The following CTIF variants were observed in gnomAD, a reference collection of about 807,000 sequenced individuals.
CTIF encodes cap binding complex dependent translation initiation factor.
In CTIF, 21 loss-of-function variants were observed where a neutral mutation model predicts 66.0. The ratio of observed to expected loss-of-function variants is 0.32; its 90% CI spans 0.23 to 0.46. CTIF has a LOEUF of 0.46. Among genes scored for constraint, CTIF ranks in the 20% least tolerant of loss-of-function variants. The pLI is 1.00. For synonymous variants in CTIF, 345 were observed against 326.4 expected, an observed-to-expected ratio of 1.06 and a Z score of -0.62; for missense variants, 739 against 812.7, an observed-to-expected ratio of 0.91 and a Z score of 1.10.
At chr18:48,627,076 AT>A (rs892035157) in intron 2 of CTIF, among the ~76,000 whole-genome samples, 1 of 152,230 alleles carries the variant, frequency 6.6e-6, no homozygotes, top group African/African-American at 2.4e-5. Flanking sequence ...TTTGTGCATC[AT>A]TTTTTAAACA....
intron 7 of CTIF, among the ~76,000 whole-genome samples, chr18:48,731,486 C>T (rs747077880): frequency 1.3e-5 from 2 of 152,196 alleles, no homozygotes; most frequent in Non-Finnish European, 2.9e-5. Flanking sequence ...ACTCCGTTAA[C>T]CCTCTCATTC....
intron 1 of CTIF, among the ~76,000 whole-genome samples, chr18:48,553,345 G>A (rs765147559): frequency 1.3e-5 from 2 of 152,224 alleles, no homozygotes; most frequent in African/African-American, 2.4e-5. Context: ...AGCCACGGGC[G>A]TGGCAAGCCT....
chr18:48,620,713 C>T (rs986710887), intron 2 of CTIF, among the ~76,000 whole-genome samples: 14 of 152,330 alleles, frequency 9.2e-5, no homozygotes, highest in Middle Eastern at 3.4e-3. Context: ...ATCCGCCTCT[C>T]GTGCGTGTTA....
intron 3 of CTIF, among the ~76,000 whole-genome samples, chr18:48,637,364 C>T (rs992104281): frequency 6.6e-6 from 1 of 152,186 alleles, no homozygotes; most frequent in African/African-American, 2.4e-5. Context: ...TATGGTGGTC[C>T]AGCTGTTCTC....
chr18:48,762,282 A>G (rs1909083307), intron 9 of CTIF, among the ~76,000 whole-genome samples: 1 of 152,000 alleles, frequency 6.6e-6, no homozygotes, highest in African/African-American at 2.4e-5. Context: ...GTGTAACCCC[A>G]CCCCTGATCA....
At chr18:48,744,771 G>A (rs57905995) in intron 7 of CTIF, among the ~76,000 whole-genome samples, 6,672 of 151,654 alleles carry the variant, frequency 0.044, 384 homozygotes, top group African/African-American at 0.14. Context: ...GGCTGCATTC[G>A]ATTGTCATGA....
chr18:48,698,104 TAAAAAAA>T (rs527429582), intron 6 of CTIF, among the ~76,000 whole-genome samples: 4 of 13,066 alleles, frequency 3.1e-4, no homozygotes, highest in African/African-American at 6.8e-4. Context: ...TAGCCATCAT[TAAAAAAA>T]AAAAAAAAAA....
chr18:48,591,275 C>G (rs1287079130), intron 1 of CTIF, among the ~76,000 whole-genome samples: 1 of 152,246 alleles, frequency 6.6e-6, no homozygotes, highest in African/African-American at 2.4e-5. Context: ...CTTGTGGGTC[C>G]CAGGCTGGCT....
chr18:48,672,947 C>T (rs940194869), intron 6 of CTIF, among the ~76,000 whole-genome samples: 1 of 152,182 alleles, frequency 6.6e-6, no homozygotes, highest in African/African-American at 2.4e-5. Context: ...TCTTCCATCT[C>T]TCCTTGCTTT....
At chr18:48,762,744 T>C (rs972934972) in intron 9 of CTIF, among the ~76,000 whole-genome samples, 2 of 152,372 alleles carry the variant, frequency 1.3e-5, no homozygotes, top group African/African-American at 4.8e-5. Context: ...TTCATAATTA[T>C]GCCTAGACAA....
intron 10 of CTIF, among the ~76,000 whole-genome samples, chr18:48,838,101 C>T (rs2068854728): frequency 6.6e-6 from 1 of 152,052 alleles, no homozygotes; most frequent in Admixed American, 6.5e-5. Flanking sequence ...CAAACTTGCT[C>T]CCTATCAGTG....
intron 10 of CTIF, among the ~76,000 whole-genome samples, chr18:48,849,854 G>A (rs768077333): frequency 3.3e-5 from 5 of 152,118 alleles, no homozygotes; most frequent in Non-Finnish European, 5.9e-5. Context: ...AAAGTGCTGG[G>A]ATTACAGGCG....
chr18:48,861,743 T>G lies in CTIF; in HGVS notation c.*2184T>G, dbSNP rs1568278630. On this transcript the variant is annotated 3_prime_UTR_variant, in exon 12 of 12. Coordinates refer to ENST00000256413, the MANE Select transcript of CTIF (RefSeq NM_014772.3). Reference sequence around the variant, plus strand: ...GAAACACTGTGTGGAGGGGGCTGTGTTGTGGGCACCTTGGGGCCTGATTCT... The same window carrying G: ...GAAACACTGTGTGGAGGGGGCTGTGGTGTGGGCACCTTGGGGCCTGATTCT... 6.6e-6 allele frequency: 1 copy of G among 152,302 alleles called. No individual in the cohort carries two copies. Among genetic ancestry groups the G allele is most frequent in the Admixed American group, 6.5e-5 (1 of 15,278 alleles). 9.4% of individuals were successfully genotyped at this position (152,302 alleles called of 1,614,324 possible).
At chr18:48,845,634 T>C (rs1357492253) in intron 10 of CTIF, among the ~76,000 whole-genome samples, 1 of 152,180 alleles carries the variant, frequency 6.6e-6, no homozygotes, top group African/African-American at 2.4e-5. Flanking sequence ...GCTTGACTAA[T>C]CCCTGGGTGC....
At chr18:48,686,111 G>A (rs2091836528) in intron 6 of CTIF, among the ~76,000 whole-genome samples, 1 of 152,196 alleles carries the variant, frequency 6.6e-6, no homozygotes, top group African/African-American at 2.4e-5. Context: ...TGCCTGAAAT[G>A]TCATCATGCT....
intron 9 of CTIF, among the ~76,000 whole-genome samples, chr18:48,777,715 T>TA (rs760897223): frequency 6.6e-6 from 1 of 152,240 alleles, no homozygotes; most frequent in Non-Finnish European, 1.5e-5. Flanking sequence ...TAGTGTTGTT[T>TA]ATGTTCTTTC....
intron 10 of CTIF, among the ~76,000 whole-genome samples, chr18:48,850,596 A>G (rs1489520570): frequency 2.6e-5 from 4 of 152,226 alleles, no homozygotes; most frequent in African/African-American, 9.6e-5. Context: ...CACTAAAGGC[A>G]AGTTCAGTAG....
At chr18:48,540,905 C>G (rs1162031968) in intron 1 of CTIF, among the ~76,000 whole-genome samples, 5 of 152,112 alleles carry the variant, frequency 3.3e-5, no homozygotes. Context: ...CGGGGAAGAC[C>G]GTAGGGTCGC....
At chr18:48,800,938 G>A (rs2068036837) in intron 9 of CTIF, among the ~76,000 whole-genome samples, 1 of 152,208 alleles carries the variant, frequency 6.6e-6, no homozygotes, top group East Asian at 1.9e-4. Context: ...CCTGGCAAAG[G>A]GCCTCTGCCT....
Sources: allele counts gnomAD v4.1 joint callset (sites outside exome capture counted in the v4.1 genomes callset), GRCh38; gene constraint gnomAD v4.1.1; transcripts MANE v1.5; gene names NCBI Gene and HGNC (gene_info 2026-07-23, HGNC 2026-07-21).